INSYN2A: variants seen among roughly 807,000 people sequenced by gnomAD.
INSYN2A encodes family with sequence similarity 196 member A.
INSYN2A carries 17 observed loss-of-function variants against 39.4 expected under a neutral mutation model. That is an observed-to-expected ratio of 0.43 (90% CI 0.30 to 0.65). The LOEUF is 0.65. INSYN2A is among the 30% of genes least tolerant of loss of function. The pLI is 0.14. For missense variants in INSYN2A, 595 were observed against 631.2 expected (o/e 0.94, Z 0.61); for synonymous variants, 255 against 265.7 (o/e 0.96, Z 0.39).
chr10:127,173,735 T>C lies in INSYN2A; in HGVS notation c.1184+1477A>G, dbSNP rs149679090. ...GGACTACTGATCAGTAAATCACTGG[T>C]CTCCCCCACCCCACGCCTGATGAGT... On this transcript the variant is annotated intron_variant, in intron 4 of 5. Coordinates refer to ENST00000522781, the MANE Select transcript of INSYN2A (RefSeq NM_001039762.3). Among the ~76,000 whole-genome samples, 880 of 152,248 alleles carry C rather than the reference T, an allele frequency of 5.8e-3. 7 individuals are homozygous for C. The highest frequency in any genetic ancestry group is 0.02 in the Middle Eastern group (6 of 294).
intron 2 of INSYN2A, among the ~76,000 whole-genome samples, chr10:127,181,969 T>C (rs2055778082): frequency 6.6e-6 from 1 of 152,212 alleles, no homozygotes; most frequent in Admixed American, 6.5e-5. Context: ...ATTTTTTCCC[T>C]ACATTTGTTG....
At chr10:127,179,296 A>T (rs1406903475) in intron 2 of INSYN2A, among the ~76,000 whole-genome samples, 1 of 152,242 alleles carries the variant, frequency 6.6e-6, no homozygotes, top group East Asian at 1.9e-4. Flanking sequence ...TGGTGGCCAA[A>T]TAATAATAAA....
intron 5 of INSYN2A, among the ~76,000 whole-genome samples, chr10:127,152,942 G>A (rs1162338730): frequency 6.6e-6 from 1 of 152,194 alleles, no homozygotes; most frequent in East Asian, 1.9e-4. Flanking sequence ...TTTCCCTTGG[G>A]AGAGAACCCT....
chr10:127,159,460 A>C (rs1311887453), intron 4 of INSYN2A, among the ~76,000 whole-genome samples: 2 of 152,142 alleles, frequency 1.3e-5, no homozygotes, highest in Non-Finnish European at 2.9e-5. Flanking sequence ...AAATATATAT[A>C]CTTGTATACT....
intron 4 of INSYN2A, among the ~76,000 whole-genome samples, chr10:127,170,334 C>G (rs1486210828): frequency 1.3e-5 from 2 of 152,192 alleles, no homozygotes; most frequent in South Asian, 2.1e-4. Context: ...TCCTCTTGCT[C>G]TCTCCCCCTA....
chr10:127,173,103 C>T (rs1198727381), intron 4 of INSYN2A, among the ~76,000 whole-genome samples: 1 of 152,198 alleles, frequency 6.6e-6, no homozygotes, highest in East Asian at 1.9e-4. Context: ...CACAAGACCA[C>T]TAAGTCCTCC....
intron 5 of INSYN2A, among the ~76,000 whole-genome samples, chr10:127,139,060 G>C (rs2050974244): frequency 6.6e-6 from 1 of 152,146 alleles, no homozygotes; most frequent in Admixed American, 6.5e-5. Context: ...CAGGCCTTGG[G>C]AGGATTCCGC....
chr10:127,154,356 C>G (rs1239904054), intron 4 of INSYN2A, among the ~76,000 whole-genome samples: 1 of 152,192 alleles, frequency 6.6e-6, no homozygotes, highest in Non-Finnish European at 1.5e-5. Flanking sequence ...CCAAATCCCG[C>G]CGGGGCCTGG....
rs1406594932 is a variant in INSYN2A, at chr10:127,175,495, AGGGCGCCT to A, written c.893_900del (p.Gln298LeufsTer19). On this transcript the variant is annotated frameshift_variant, in exon 4 of 6. Coordinates refer to ENST00000522781, the MANE Select transcript of INSYN2A (RefSeq NM_001039762.3). LOFTEE classifies it high-confidence loss of function. This position sits in a 1 kb window ranked among gnomAD's most constrained non-coding sequence, Gnocchi z 6.3. ...GGTGAGCAGGCCAGGGCAGTTTCCG[AGGGCGCCT>A]GGAGCCCGTTGAGATGTGTGGCTCT... The A allele has an allele frequency of 4.4e-6, 7 of 1,608,780 alleles. No individual in the cohort carries two copies. The highest frequency in any genetic ancestry group is 5.9e-6 in the Non-Finnish European group (7 of 1,179,976).
intron 2 of INSYN2A, among the ~76,000 whole-genome samples, chr10:127,190,412 C>G (rs893013278): frequency 1.3e-5 from 2 of 152,256 alleles, no homozygotes; most frequent in South Asian, 2.1e-4. Flanking sequence ...TCAGGATTCC[C>G]TGAGTTGGTA....
intron 4 of INSYN2A, among the ~76,000 whole-genome samples, chr10:127,169,919 T>A (rs1392703239): frequency 2.0e-5 from 3 of 152,050 alleles, no homozygotes; most frequent in African/African-American, 7.2e-5. Flanking sequence ...ATCCCTCAGC[T>A]CTTTCTTCCT....
chr10:127,150,638 TTTATACAA>T (rs2052396841), intron 5 of INSYN2A, among the ~76,000 whole-genome samples: 1 of 152,228 alleles, frequency 6.6e-6, no homozygotes, highest in Non-Finnish European at 1.5e-5. Context: ...CCTGGACCTG[TTTATACAA>T]TTAGTACTCA....
At chr10:127,148,880 G>A (rs1245421493) in intron 5 of INSYN2A, among the ~76,000 whole-genome samples, 29 of 152,142 alleles carry the variant, frequency 1.9e-4, no homozygotes, top group Non-Finnish European at 5.9e-5. Context: ...TAGCACAGTC[G>A]GTCTGCATCA....
intron 5 of INSYN2A, among the ~76,000 whole-genome samples, chr10:127,138,553 A>G (rs2050910834): frequency 6.6e-6 from 1 of 152,166 alleles, no homozygotes; most frequent in Non-Finnish European, 1.5e-5. Flanking sequence ...CTGTCTGAAA[A>G]TCTGATAAGG....
chr10:127,179,380 G>C (rs1024286956), intron 2 of INSYN2A, among the ~76,000 whole-genome samples: 2 of 152,214 alleles, frequency 1.3e-5, no homozygotes, highest in Non-Finnish European at 1.5e-5. Flanking sequence ...GTAAAAAAAT[G>C]ATGGTAATAC....
At chr10:127,153,218 T>C (rs1892138) in intron 5 of INSYN2A, among the ~76,000 whole-genome samples, 108,405 of 152,226 alleles carry the variant, frequency 0.71, 43,241 homozygotes, top group South Asian at 0.9. Context: ...GCCATCCTTC[T>C]GAAGGTTTTG....
intron 2 of INSYN2A, among the ~76,000 whole-genome samples, chr10:127,187,333 A>G (rs2056366251): frequency 6.6e-6 from 1 of 152,228 alleles, no homozygotes; most frequent in Non-Finnish European, 1.5e-5. Context: ...AATAGAAGTT[A>G]GCATCGTAGT....
chr10:127,150,608 AAG>A (rs1190052450), intron 5 of INSYN2A, among the ~76,000 whole-genome samples: 1 of 152,188 alleles, frequency 6.6e-6, no homozygotes, highest in African/African-American at 2.4e-5. Context: ...CATGCTTACC[AAG>A]AGGATGCTAG....
chr10:127,179,166 C>T (rs1450451794), intron 2 of INSYN2A, among the ~76,000 whole-genome samples: 1 of 152,234 alleles, frequency 6.6e-6, no homozygotes, highest in Non-Finnish European at 1.5e-5. Context: ...TATTCATCAT[C>T]ACCATTTGCT....
Sources: gnomAD v4.1 joint callset for allele counts (sites outside exome capture counted in the v4.1 genomes callset) on GRCh38, gnomAD v4.1.1 for gene constraint, Gnocchi (gnomAD v3.1) non-coding constraint, MANE v1.5 for transcripts, NCBI Gene and HGNC (gene_info 2026-07-23, HGNC 2026-07-21) for gene names.